Variants in APBB2 observed in about 807,000 individuals in gnomAD.
The protein encoded by APBB2 is amyloid beta precursor protein binding family B member 2.
APBB2 carries 38 observed loss-of-function variants against 82.5 expected under a neutral mutation model. The observed-to-expected ratio is 0.46, with a 90% CI of 0.36 to 0.60. APBB2 has a LOEUF of 0.60. Among genes scored for constraint, APBB2 ranks in the 20% least tolerant of loss-of-function variants. APBB2 has a pLI of 0.00. For missense variants in APBB2, 772 were observed against 972.3 expected, an observed-to-expected ratio of 0.79 and a Z score of 2.74; for synonymous variants, 341 against 368.2, an observed-to-expected ratio of 0.93 and a Z score of 0.85.
chr4:40,816,883 A>C (rs1185594510), intron 17 of APBB2, among the ~76,000 whole-genome samples: 2 of 152,234 alleles, frequency 1.3e-5, no homozygotes, highest in Non-Finnish European at 2.9e-5. Flanking sequence ...TTTTAATTAA[A>C]AAGATGAGGT....
intron 16 of APBB2, 72 bp downstream of exon 16, chr4:40,823,572 T>A: frequency 9.3e-7 from 1 of 1,079,692 alleles, no homozygotes; most frequent in Non-Finnish European, 1.4e-6. Flanking sequence ...TGTTCCTAAG[T>A]TCCACAGAAA....
intron 4 of APBB2, among the ~76,000 whole-genome samples, chr4:41,061,187 G>A (rs907126577): frequency 2.0e-5 from 3 of 152,206 alleles, no homozygotes; most frequent in African/African-American, 7.2e-5. Context: ...AGTGGTGGCT[G>A]CAGTCATCCA....
At chr4:40,873,944 A>G (rs1766203466) in intron 12 of APBB2, among the ~76,000 whole-genome samples, 1 of 152,206 alleles carries the variant, frequency 6.6e-6, no homozygotes, top group South Asian at 2.1e-4. Flanking sequence ...TTACAATTGA[A>G]CTCTGTTTAT....
chr4:40,940,070 C>T (rs942885776), intron 7 of APBB2, among the ~76,000 whole-genome samples: 36 of 152,068 alleles, frequency 2.4e-4, no homozygotes, highest in Non-Finnish European at 3.8e-4. Flanking sequence ...TAATGAATGT[C>T]GTCATGTACT....
At chr4:40,823,155 C>G (rs554287605) in intron 16 of APBB2, among the ~76,000 whole-genome samples, 1 of 152,298 alleles carries the variant, frequency 6.6e-6, no homozygotes, top group East Asian at 1.9e-4. Flanking sequence ...TGATGCTGGG[C>G]AAATGACTTA....
At chr4:40,896,011 A>T (rs1773560648) in intron 10 of APBB2, among the ~76,000 whole-genome samples, 1 of 152,016 alleles carries the variant, frequency 6.6e-6, no homozygotes, top group East Asian at 1.9e-4. Flanking sequence ...GGACAATGTC[A>T]GATGGTGTTA....
At chr4:41,061,592 T>C (rs1019781649) in intron 4 of APBB2, among the ~76,000 whole-genome samples, 1 of 152,252 alleles carries the variant, frequency 6.6e-6, no homozygotes, top group African/African-American at 2.4e-5. Context: ...GGGACTACTG[T>C]TGTACATGCA....
chr4:40,967,420 T>G (rs1794941591), intron 6 of APBB2, among the ~76,000 whole-genome samples: 1 of 152,150 alleles, frequency 6.6e-6, no homozygotes, highest in Non-Finnish European at 1.5e-5. Context: ...GCCTAGGAGC[T>G]CCCTGAGCCA....
intron 1 of APBB2, among the ~76,000 whole-genome samples, chr4:41,196,190 C>T: frequency 1.3e-5 from 2 of 152,058 alleles, no homozygotes; most frequent in Non-Finnish European, 2.9e-5. Flanking sequence ...CCTCCTAGCC[C>T]ATCCCATGAT....
At chr4:41,063,950 ATTTTTTTTTT>A (rs11422110) in intron 4 of APBB2, among the ~76,000 whole-genome samples, 2 of 91,788 alleles carry the variant, frequency 2.2e-5, no homozygotes, top group East Asian at 3.2e-4. Flanking sequence ...AAATGCTGGG[ATTTTTTTTTT>A]TTTTTTTTTT....
intron 5 of APBB2, among the ~76,000 whole-genome samples, chr4:41,031,381 T>C (rs1716733984): frequency 3.9e-5 from 6 of 152,234 alleles, no homozygotes; most frequent in Admixed American, 3.9e-4. Context: ...AGTCGCCATT[T>C]GAATTTTCAA....
In APBB2 at chr4:40,905,020, C is replaced by T. The variant is rs554816623; in HGVS notation, c.1255-11609G>A. On this transcript the variant is annotated intron_variant, in intron 10 of 17. Coordinates refer to ENST00000508593, the MANE Select transcript of APBB2 (RefSeq NM_004307.2). ...CACTACTGCCATTAACTTAACTTTC[C>T]CCCTTCCTATTTTTCAGAGCAAGAC... is the stretch of plus-strand genomic sequence containing the variant. 2.0e-5 allele frequency among the ~76,000 whole-genome samples: 3 copies of T among 152,168 alleles called. No homozygotes were observed. In the South Asian group the frequency reaches 6.2e-4, roughly 32 times the overall value.
intron 5 of APBB2, among the ~76,000 whole-genome samples, chr4:41,015,098 A>AT (rs1337258743): frequency 6.6e-6 from 1 of 152,222 alleles, no homozygotes; most frequent in Non-Finnish European, 1.5e-5. Flanking sequence ...TACAGACAAC[A>AT]TGTTAGAGCT....
rs756572944 is a variant in APBB2 at position 40,893,279 on chromosome 4, C to T, written c.1387G>A (p.Gly463Arg). 1.2e-6 allele frequency: 2 copies of T among 1,613,560 alleles called. No individual in the cohort carries two copies. Among genetic ancestry groups the T allele is most frequent in the South Asian group, 1.1e-5 (1 of 90,872 alleles). ...YCKNDIRDTVGIWGEGKDMYL... is the reference protein window; with the variant it reads ...YCKNDIRDTVRIWGEGKDMYL... Reference sequence around the variant, plus strand: ...ATGCCACTTACCTCTCCCCAAATCCCGACTGTGTCTCGGATGTCATTTTTG... The same window carrying T: ...ATGCCACTTACCTCTCCCCAAATCCTGACTGTGTCTCGGATGTCATTTTTG... The change falls in exon 11 of 18, where the codon GGG becomes AGG. Residue 463 changes from glycine to arginine, a missense_variant. Physicochemically the swap from Gly to Arg is moderately radical, Grantham distance 125. Transcript: ENST00000508593.
At chr4:40,949,735 C>CTG (rs35833152) in intron 6 of APBB2, among the ~76,000 whole-genome samples, 12,716 of 152,206 alleles carry the variant, frequency 0.084, 576 homozygotes, top group Middle Eastern at 0.14. Context: ...CGGCTGAAAA[C>CTG]TGGAAAGGAA....
chr4:40,870,054 T>C (rs1031543276), intron 12 of APBB2, among the ~76,000 whole-genome samples: 2 of 152,226 alleles, frequency 1.3e-5, no homozygotes, highest in Non-Finnish European at 2.9e-5. Flanking sequence ...AATCACGTTA[T>C]ACATCATTTT....
rs114078167 is a variant in APBB2 at position 41,097,623 on chromosome 4, A to G, written c.-149+3016T>C. On this transcript the variant is annotated intron_variant, in intron 3 of 17. Transcript: ENST00000508593. ...GGTTGACATAAAACCAAACATGGAC[A>G]TGCATTAAGTAGGATAATAAAATAC... Among the ~76,000 whole-genome samples, 1,280 of 152,360 alleles carry G rather than the reference A, an allele frequency of 8.4e-3. 16 individuals carry two copies. The highest frequency in any genetic ancestry group is 0.028 in the African/African-American group (1,154 of 41,580).
chr4:40,881,082 G>T, intron 12 of APBB2: 1 of 985,390 alleles, frequency 1.0e-6, no homozygotes. Context: ...TTAATGGAAG[G>T]CAGAGAAGCC....
At chr4:41,014,684 C>T (rs767500865) in intron 5 of APBB2, among the ~76,000 whole-genome samples, 1 of 152,188 alleles carries the variant, frequency 6.6e-6, no homozygotes, top group Non-Finnish European at 1.5e-5. Context: ...TTTGAATTCA[C>T]ATAAAAGCAT....
Sources: gnomAD v4.1 joint callset for allele counts (sites outside exome capture counted in the v4.1 genomes callset) on GRCh38, gnomAD v4.1.1 for gene constraint, MANE v1.5 for transcripts, NCBI Gene and HGNC (gene_info 2026-07-23, HGNC 2026-07-21) for gene names.